B3GAT2: variants seen among roughly 807,000 people sequenced by gnomAD.
B3GAT2 encodes galactosylgalactosylxylosylprotein 3-beta-glucuronosyltransferase 2.
B3GAT2 carries 26 observed loss-of-function variants against 27.8 expected under a neutral mutation model. The ratio of observed to expected loss-of-function variants is 0.93; its 90% CI spans 0.68 to 1.30. The LOEUF (loss-of-function observed/expected upper bound fraction) is 1.30. B3GAT2 is among the 50% of genes most tolerant of loss of function. The pLI is 0.00. For missense variants in B3GAT2, 458 were observed against 459.0 expected (o/e 1.00, Z 0.02); for synonymous variants, 218 against 195.1 (o/e 1.12, Z -0.98).
chr6:70,890,522 T>G (rs1272499001), intron 2 of B3GAT2, among the ~76,000 whole-genome samples: 2 of 152,194 alleles, frequency 1.3e-5, no homozygotes, highest in African/African-American at 4.8e-5. Context: ...CTTGTATTCT[T>G]TATAACACTG....
chr6:70,903,938 GT>G (rs1474773302), intron 1 of B3GAT2, among the ~76,000 whole-genome samples: 1 of 152,090 alleles, frequency 6.6e-6, no homozygotes, highest in Non-Finnish European at 1.5e-5. Flanking sequence ...GTGCCTGAAT[GT>G]TCAAACAGTT....
At chr6:70,932,293 T>C (rs1773074147) in intron 1 of B3GAT2, among the ~76,000 whole-genome samples, 1 of 152,216 alleles carries the variant, frequency 6.6e-6, no homozygotes, top group South Asian at 2.1e-4. Context: ...ATTTTACTTC[T>C]GTGTATATAC....
chr6:70,864,061 CTTTTTTTTTTT>C (rs35544177), intron 2 of B3GAT2, among the ~76,000 whole-genome samples: 3 of 129,794 alleles, frequency 2.3e-5, no homozygotes, highest in Non-Finnish European at 4.8e-5. Flanking sequence ...AAGCTTTATC[CTTTTTTTTTTT>C]TTTTTTTTTT....
At chr6:70,899,593 A>G (rs1310186361) in intron 1 of B3GAT2, among the ~76,000 whole-genome samples, 2 of 152,248 alleles carry the variant, frequency 1.3e-5, no homozygotes, top group Admixed American at 1.3e-4. Context: ...AAACTCAAAC[A>G]GATCCAGATG....
At chr6:70,906,369 C>T (rs564046226) in intron 1 of B3GAT2, among the ~76,000 whole-genome samples, 33 of 152,154 alleles carry the variant, frequency 2.2e-4, no homozygotes, top group Non-Finnish European at 4.4e-4. Context: ...CAGAGTCTCA[C>T]TCTGTCACCC....
rs533659205 is a variant in B3GAT2, at chr6:70,936,359, A to T, written c.591+19480T>A. ...GACAGATCAACGAGACAGAAAGTTA[A>T]CAAGGATACACAGGAATTGAACTCA... On this transcript the variant is annotated intron_variant, in intron 1 of 3. Transcript: ENST00000230053. Among the ~76,000 whole-genome samples the T allele has an allele frequency of 4.2e-4, 64 of 152,182 alleles. 1 individual carries two copies. The highest frequency in any genetic ancestry group is 1.5e-3 in the African/African-American group (61 of 41,494).
At chr6:70,951,065 C>T (rs967671997) in intron 1 of B3GAT2, among the ~76,000 whole-genome samples, 1 of 152,014 alleles carries the variant, frequency 6.6e-6, no homozygotes, top group Non-Finnish European at 1.5e-5. Flanking sequence ...GAGCTCCATG[C>T]AAAACTTAAA....
chr6:70,909,578 GTA>G (rs1272022532), intron 1 of B3GAT2, among the ~76,000 whole-genome samples: 1 of 152,152 alleles, frequency 6.6e-6, no homozygotes, highest in Non-Finnish European at 1.5e-5. Context: ...ATTGACAGCT[GTA>G]TCAGAAGGTA....
At position 70,889,517 on chromosome 6, in the gene B3GAT2, C is replaced by T. The variant is rs116096504; in HGVS notation, c.736+4611G>A. Among the ~76,000 whole-genome samples the T allele has an allele frequency of 9.8e-3, 1,496 of 152,198 alleles. 17 individuals carry two copies. Among genetic ancestry groups the T allele is most frequent in the African/African-American group, 0.032 (1,324 of 41,510 alleles). On this transcript the variant is annotated intron_variant, in intron 2 of 3. Coordinates refer to ENST00000230053, the MANE Select transcript of B3GAT2 (RefSeq NM_080742.3). ...TGGAAAGCTGGTGATAGGCCGTAGG[C>T]GAGGAGGAGTTGGCTGCCGACAGAA...
intron 1 of B3GAT2, among the ~76,000 whole-genome samples, chr6:70,954,473 A>T (rs902957764): frequency 3.9e-5 from 6 of 152,140 alleles, no homozygotes; most frequent in African/African-American, 7.2e-5. Context: ...CTTTAAGAAA[A>T]TTTTTTTAAA....
intron 1 of B3GAT2, among the ~76,000 whole-genome samples, chr6:70,935,342 T>A (rs1773127197): frequency 6.6e-6 from 1 of 152,006 alleles, no homozygotes. Flanking sequence ...TAGTCCCAGC[T>A]ACTCAGGAGG....
intron 1 of B3GAT2, among the ~76,000 whole-genome samples, chr6:70,900,267 G>A (rs1772475073): frequency 6.6e-6 from 1 of 152,172 alleles, no homozygotes; most frequent in Non-Finnish European, 1.5e-5. Flanking sequence ...TGGTGCATGT[G>A]CACACTCCTC....
intron 1 of B3GAT2, 91 bp from the exon 2 acceptor site, chr6:70,894,363 T>C: frequency 2.9e-6 from 4 of 1,358,584 alleles, no homozygotes; most frequent in Non-Finnish European, 3.0e-6. Context: ...GTAGGGCTGG[T>C]AGTGGTGTAA....
chr6:70,892,591 T>G (rs1772309004), intron 2 of B3GAT2, among the ~76,000 whole-genome samples: 1 of 152,162 alleles, frequency 6.6e-6, no homozygotes, highest in Admixed American at 6.5e-5. Context: ...CTTGGGCTCT[T>G]ACTTGAGAGT....
chr6:70,910,932 T>C (rs1398952734), intron 1 of B3GAT2, among the ~76,000 whole-genome samples: 2 of 152,212 alleles, frequency 1.3e-5, no homozygotes, highest in African/African-American at 4.8e-5. Context: ...ATTAGTGATG[T>C]TGGGCATTTT....
Position 70,860,418 on chromosome 6 carries a change from A to G in B3GAT2, c.*1245T>C, listed in dbSNP as rs1771665578. On this transcript the variant is annotated 3_prime_UTR_variant, in exon 4 of 4. Transcript: ENST00000230053. ...CTAGTTCCCCTGTTTATTCATATGC[A>G]TATTTTTTTTCTTTTTACCCATTTG... 5.4e-6 allele frequency: 8 copies of G among 1,487,772 alleles called. No individual in the cohort carries two copies. The highest frequency in any genetic ancestry group is 1.4e-5 in the African/African-American group (1 of 70,292). 92.2% of individuals were successfully genotyped at this position (1,487,772 alleles called of 1,614,324 possible). A position where few individuals can be genotyped will look rare whatever the true frequency, so the allele number is the denominator to read the frequency against.
At chr6:70,935,746 A>C (rs946353037) in intron 1 of B3GAT2, among the ~76,000 whole-genome samples, 1 of 152,180 alleles carries the variant, frequency 6.6e-6, no homozygotes, top group Non-Finnish European at 1.5e-5. Context: ...AGAGCTCCTG[A>C]AGGAAGCACT....
chr6:70,902,497 A>G (rs1017343839), intron 1 of B3GAT2, among the ~76,000 whole-genome samples: 5 of 151,994 alleles, frequency 3.3e-5, no homozygotes, highest in Non-Finnish European at 2.9e-5. Context: ...TATATATCCA[A>G]AGGATATGAA....
intron 1 of B3GAT2, among the ~76,000 whole-genome samples, chr6:70,947,973 C>T (rs1479404239): frequency 6.6e-6 from 1 of 151,886 alleles, no homozygotes; most frequent in Non-Finnish European, 1.5e-5. Flanking sequence ...GAACCAAAGA[C>T]AAAAACCACA....
Sources: gnomAD v4.1 joint callset for allele counts (sites outside exome capture counted in the v4.1 genomes callset) on GRCh38, gnomAD v4.1.1 for gene constraint, MANE v1.5 for transcripts, NCBI Gene and HGNC (gene_info 2026-07-23, HGNC 2026-07-21) for gene names.